The following NDRG2 variants were observed in gnomAD, a reference collection of about 807,000 sequenced individuals.
NDRG2 encodes protein NDRG2.
A neutral mutation model predicts 58.2 loss-of-function variants in NDRG2; 34 were observed. That is an observed-to-expected ratio of 0.58 (90% CI 0.44 to 0.78). NDRG2 has a LOEUF of 0.78. Among genes scored for constraint, NDRG2 ranks in the 30% least tolerant of loss-of-function variants. The pLI is 0.00. For missense variants in NDRG2, 434 were observed against 471.2 expected (o/e 0.92, Z 0.73); for synonymous variants, 187 against 175.9 (o/e 1.06, Z -0.50).
At chr14:21,043,176 A>G (rs757696732) in intron 1 of NDRG2, 2 of 1,614,030 alleles carry the variant, frequency 1.2e-6, no homozygotes, top group African/African-American at 2.7e-5. Context: ...TAACAAGCAC[A>G]CAAAACGGTG....
chr14:21,054,729 G>A (rs948180457), intron 1 of NDRG2, among the ~76,000 whole-genome samples: 2 of 152,322 alleles, frequency 1.3e-5, no homozygotes, highest in South Asian at 4.1e-4. Flanking sequence ...TAACCTGCCA[G>A]AACCTTAGTT....
chr14:21,058,908 C>G (rs34646592), intron 1 of NDRG2, among the ~76,000 whole-genome samples: 75,503 of 151,776 alleles, frequency 0.5, 20,543 homozygotes, highest in East Asian at 0.6. Flanking sequence ...GCTCCAATTC[C>G]AAGGCCCTGA....
At chr14:21,066,953 C>T (rs1269567307) in intron 1 of NDRG2, among the ~76,000 whole-genome samples, 1 of 152,182 alleles carries the variant, frequency 6.6e-6, no homozygotes, top group Non-Finnish European at 1.5e-5. Flanking sequence ...GCAGAGCTAA[C>T]AAGAACACGT....
upstream of NDRG2, among the ~76,000 whole-genome samples, chr14:21,026,745 C>A (rs1883688732): frequency 2.6e-5 from 4 of 152,048 alleles, no homozygotes; most frequent in South Asian, 8.3e-4. Flanking sequence ...TTCTCCCACT[C>A]CCTTTATAAC....
At chr14:21,027,593 C>T (rs1403311491), upstream of NDRG2, among the ~76,000 whole-genome samples, 1 of 152,198 alleles carries the variant, frequency 6.6e-6, no homozygotes, top group African/African-American at 2.4e-5. Context: ...GGAGAAAATG[C>T]AAACTATGAA....
intron 1 of NDRG2, among the ~76,000 whole-genome samples, chr14:21,059,506 T>C (rs899219293): frequency 2.3e-4 from 35 of 152,154 alleles, no homozygotes; most frequent in African/African-American, 8.5e-4. Context: ...CTTTTGCTTT[T>C]TGTTTTGAGA....
intron 1 of NDRG2, chr14:21,032,357 TA>T: frequency 3.8e-6 from 2 of 532,636 alleles, no homozygotes; most frequent in Non-Finnish European, 7.2e-6. Context: ...ATATTTGGAG[TA>T]AAGAGATGAA....
At chr14:21,030,820 T>C (rs894216874), upstream of NDRG2, 8 of 1,572,668 alleles carry the variant, frequency 5.1e-6, no homozygotes, top group African/African-American at 1.1e-4. Context: ...CACGGAAGGG[T>C]TCACGTGGTG....
At position 21,070,864 on chromosome 14, in the gene NDRG2, C is replaced by T. The variant is rs529956571; in HGVS notation, c.-13G>A. ...CACCATTTTCCATCCCTGTCCCCAA[C>T]CCGGTGAGGCAGGCCCACCCATCCG... On this transcript the variant is annotated 5_prime_UTR_variant, in exon 1 of 15. Coordinates refer to the NDRG2 transcript ENST00000403829. The surrounding 1 kb of genome is among the most constrained non-coding windows in gnomAD (Gnocchi z 4.7). 6.5e-7 allele frequency: 1 copy of T among 1,535,528 alleles called. No homozygotes were observed. The highest frequency in any genetic ancestry group is 1.4e-5 in the African/African-American group (1 of 73,050).
Position 21,049,527 on chromosome 14 carries a change from G to A in NDRG2, c.24+21301C>T, listed in dbSNP as rs117989519. Among the ~76,000 whole-genome samples, 1,015 of 151,846 alleles carry A rather than the reference G, an allele frequency of 6.7e-3. 6 individuals carry two copies. The highest frequency in any genetic ancestry group is 0.018 in the African/African-American group (746 of 41,408). On this transcript the variant is annotated intron_variant, in intron 1 of 14. Transcript: ENST00000403829. ...GAAATTTCCTATCTCCATGGCTTTA[G>A]GGCTCTCCCAGTAGTAATCATAACA... is the stretch of plus-strand genomic sequence containing the variant.
chr14:21,024,064 G>A lies in NDRG2; in HGVS notation c.-41C>T. On this transcript the variant is annotated 5_prime_UTR_variant, in exon 1 of 16. Coordinates refer to ENST00000556147, the MANE Select transcript of NDRG2 (RefSeq NM_001320329.2). ...ATTGGCTGGATGCAGTGGGATTAGG[G>A]GTCAGGGTTCTCACTCCTTCTGACT... is the stretch of plus-strand genomic sequence containing the variant. 1.0e-6 allele frequency: 1 copy of A among 985,508 alleles called. No homozygotes were observed. The highest frequency in any genetic ancestry group is 1.2e-6 in the Non-Finnish European group (1 of 830,028). 61.0% of individuals were successfully genotyped at this position (985,508 alleles called of 1,614,324 possible). A position where few individuals can be genotyped will look rare whatever the true frequency, so the allele number is the denominator to read the frequency against.
intron 1 of NDRG2, among the ~76,000 whole-genome samples, chr14:21,046,559 A>ACATACC (rs1566498855): frequency 2.3e-3 from 93 of 40,068 alleles, no homozygotes; most frequent in Non-Finnish European, 8.1e-3. Flanking sequence ...ACATACATAC[A>ACATACC]TACATACATA....
In NDRG2 at chr14:21,052,574, G is replaced by A. The variant is rs548278668; in HGVS notation, c.24+18254C>T. Among the ~76,000 whole-genome samples the A allele has an allele frequency of 2.0e-5, 3 of 152,292 alleles. No individual in the cohort carries two copies. The East Asian group carries it at 5.8e-4, about 29-fold the overall frequency. On this transcript the variant is annotated intron_variant, in intron 1 of 14. Transcript: ENST00000403829. ...GACAAAAGGAAAATCAGGTTATTAG[G>A]ATAGAATTTGGTTAGAATAGTTTGT...
rs1883060137 is a variant in NDRG2 at position 21,024,955 on chromosome 14, G to A, written c.-932C>T. The A allele has an allele frequency of 1.0e-6, 1 of 985,632 alleles. No individual in the cohort carries two copies. 61.1% of individuals were successfully genotyped at this position (985,632 alleles called of 1,614,324 possible). A position where few individuals can be genotyped will look rare whatever the true frequency, so the allele number is the denominator to read the frequency against. On this transcript the variant is annotated 5_prime_UTR_variant, in exon 1 of 16. Coordinates refer to ENST00000556147, the MANE Select transcript of NDRG2 (RefSeq NM_001320329.2). ...CGAGCCTCCAGCTCCAGGGGACGCG[G>A]ATCAATCACACCGCCCGCCGGCCCG... is the stretch of plus-strand genomic sequence containing the variant.
At chr14:21,069,172 C>T (rs537283491) in intron 1 of NDRG2, among the ~76,000 whole-genome samples, 22 of 152,362 alleles carry the variant, frequency 1.4e-4, no homozygotes, top group African/African-American at 5.3e-4. Flanking sequence ...AGGGCATCTC[C>T]CCGCCGTGCC....
intron 1 of NDRG2, among the ~76,000 whole-genome samples, chr14:21,037,247 G>C (rs946769708): frequency 6.6e-6 from 1 of 152,184 alleles, no homozygotes; most frequent in African/African-American, 2.4e-5. Context: ...CTGCAATCCT[G>C]GTGATCTGTT....
chr14:21,021,189 T>A (rs1269571524), intron 6 of NDRG2: 11 of 466,432 alleles, frequency 2.4e-5, no homozygotes, highest in Admixed American at 5.1e-5. Context: ...TCTGCTTTAG[T>A]TCCTGGTTCC....
intron 1 of NDRG2, chr14:21,031,254 T>C (rs1884101293): frequency 2.0e-6 from 3 of 1,505,976 alleles, no homozygotes; most frequent in Admixed American, 2.1e-5. Context: ...ACTGTGTGAC[T>C]GTAGAGACAG....
chr14:21,041,543 G>A (rs1335512347), intron 1 of NDRG2, among the ~76,000 whole-genome samples: 1 of 152,126 alleles, frequency 6.6e-6, no homozygotes, highest in African/African-American at 2.4e-5. Context: ...GCTCACAAGA[G>A]CTTGGAGTAG....
Sources: allele counts gnomAD v4.1 joint callset (sites outside exome capture counted in the v4.1 genomes callset), GRCh38; gene constraint gnomAD v4.1.1; non-coding constraint Gnocchi (gnomAD v3.1); transcripts MANE v1.5; gene names NCBI Gene and HGNC (gene_info 2026-07-23, HGNC 2026-07-21).